Variants in SUGP1 observed in about 807,000 individuals in gnomAD.
SUGP1 encodes the protein SURP and G-patch domain-containing protein 1.
A neutral mutation model predicts 76.5 loss-of-function variants in SUGP1; 34 were observed. The ratio of observed to expected loss-of-function variants is 0.44; its 90% CI spans 0.34 to 0.59. The LOEUF (loss-of-function observed/expected upper bound fraction) is 0.59, where lower values mean the gene tolerates loss of function less well. Ranked by LOEUF, SUGP1 falls within the 20% of genes least tolerant of loss-of-function variation. The probability of loss-of-function intolerance (pLI) is 0.01; values close to 1 mark genes in which losing one functional copy is unlikely to be tolerated. For synonymous variants in SUGP1, 326 were observed against 326.2 expected (o/e 1.00, Z 0.01); for missense variants, 752 against 851.7 (o/e 0.88, Z 1.46).
At chr19:19,296,652 AAAAAAG>A (rs1364315224) in intron 8 of SUGP1, among the ~76,000 whole-genome samples, 1 of 150,462 alleles carries the variant, frequency 6.6e-6, no homozygotes, top group East Asian at 1.9e-4. Context: ...GTCTCAAAAA[AAAAAAG>A]AAAAAAGAAA....
chr19:19,291,809 C>T (rs886143406), intron 8 of SUGP1, among the ~76,000 whole-genome samples: 2 of 150,830 alleles, frequency 1.3e-5, no homozygotes, highest in Admixed American at 6.6e-5. Flanking sequence ...AGAAGAATGG[C>T]GTGAACCTGG....
intron 8 of SUGP1, among the ~76,000 whole-genome samples, chr19:19,287,649 C>G (rs1162191400): frequency 6.6e-6 from 1 of 152,114 alleles, no homozygotes; most frequent in Non-Finnish European, 1.5e-5. Context: ...GAAAGGAGTG[C>G]TTCCAAATGA....
chr19:19,277,568 C>T (rs1041609167), intron 12 of SUGP1, among the ~76,000 whole-genome samples, 166 bp downstream of exon 12: 15 of 152,200 alleles, frequency 9.9e-5, no homozygotes, highest in Non-Finnish European at 1.8e-4. Context: ...GCCCGTATGG[C>T]CTCCTGCACT....
intron 7 of SUGP1, among the ~76,000 whole-genome samples, chr19:19,301,236 G>C (rs57915152): frequency 6.6e-6 from 1 of 151,946 alleles, no homozygotes; most frequent in Non-Finnish European, 1.5e-5. Flanking sequence ...AACAATCCAC[G>C]GCCCCAACAC....
intron 8 of SUGP1, among the ~76,000 whole-genome samples, chr19:19,293,695 G>A (rs2061203257): frequency 6.6e-6 from 1 of 152,094 alleles, no homozygotes; most frequent in Non-Finnish European, 1.5e-5. Context: ...CTGGTAAAAG[G>A]CTGAAAGCTT....
chr19:19,305,442 G>A (rs929617730), intron 4 of SUGP1, among the ~76,000 whole-genome samples: 6 of 152,228 alleles, frequency 3.9e-5, no homozygotes, highest in African/African-American at 1.2e-4. Flanking sequence ...AAACTCAGGG[G>A]ACAGGTAACC....
chr19:19,281,919 T>A (rs897955600), intron 8 of SUGP1, among the ~76,000 whole-genome samples: 5 of 151,874 alleles, frequency 3.3e-5, no homozygotes, highest in Non-Finnish European at 7.4e-5. Flanking sequence ...AAGGGAGAGG[T>A]GAAAAGGTGA....
intron 8 of SUGP1, among the ~76,000 whole-genome samples, chr19:19,288,616 G>A (rs1310486028): frequency 2.6e-5 from 4 of 151,954 alleles, no homozygotes; most frequent in Non-Finnish European, 4.4e-5. Flanking sequence ...TTAGCCAGGC[G>A]TGCTGGTACA....
rs2061250438 is a variant in SUGP1 at position 19,298,983 on chromosome 19, A to C, written c.888-1639T>G. Among the ~76,000 whole-genome samples, 4 of 152,162 alleles carry C rather than the reference A, an allele frequency of 2.6e-5. No homozygotes were observed. In the South Asian group the frequency reaches 8.3e-4, roughly 32 times the overall value. ...TCAATGGTAGACCCCCATGAGGGGG[A>C]GAAAGTGGAGCCCCCCAACACCCCA... On this transcript the variant is annotated intron_variant, in intron 7 of 13. Transcript: ENST00000247001.
At chr19:19,288,471 T>G (rs1257092554) in intron 8 of SUGP1, among the ~76,000 whole-genome samples, 1 of 152,190 alleles carries the variant, frequency 6.6e-6, no homozygotes, top group African/African-American at 2.4e-5. Flanking sequence ...CGGTCAACAG[T>G]AGGCTATTAG....
intron 9 of SUGP1, 143 bp downstream of exon 9, chr19:19,280,042 G>T: frequency 1.3e-6 from 1 of 751,590 alleles, no homozygotes; most frequent in Non-Finnish European, 2.1e-6. Context: ...CTGCCTGGAA[G>T]CCTCCCCGCT....
At chr19:19,317,122 G>A (rs2061400062) in intron 1 of SUGP1, among the ~76,000 whole-genome samples, 1 of 147,690 alleles carries the variant, frequency 6.8e-6, no homozygotes, top group South Asian at 2.1e-4. Context: ...TGGCAACAGA[G>A]CAAGACTCTG....
intron 6 of SUGP1, 167 bp from the exon 7 acceptor site, chr19:19,302,555 A>G (rs1420664219): frequency 2.2e-5 from 22 of 1,006,552 alleles, no homozygotes; most frequent in African/African-American, 3.3e-5. Flanking sequence ...AGAATTCATA[A>G]CACACCTCAA....
At chr19:19,281,311 C>T (rs1262851603) in intron 8 of SUGP1, 1 of 152,272 alleles carries the variant, frequency 6.6e-6, no homozygotes, top group Non-Finnish European at 1.5e-5. Flanking sequence ...GCGACTTCTT[C>T]ACCTGCTGGG....
chr19:19,278,592 G>A (rs1303325122), intron 11 of SUGP1, 98 bp downstream of exon 11: 4 of 1,039,596 alleles, frequency 3.8e-6, no homozygotes, highest in Non-Finnish European at 5.8e-6. Context: ...CTGTGATCGA[G>A]AGGGTAGCCA....
rs752533161 is a variant in SUGP1 at position 19,280,217 on chromosome 19, C to A, written c.1318G>T (p.Ala440Ser). Reference protein sequence around the residue: ...GLVGVTELSDAQKKQLKEQQE... With the variant: ...GLVGVTELSDSQKKQLKEQQE... ...TGCTCCTTCAGCTGCTTCTTCTGGG[C>A]GTCTGAAAGCTCTGTGACGCCCACT... The change falls in exon 9 of 14, where the codon GCC (alanine) becomes TCC (serine). Residue 440 changes from alanine to serine, a missense_variant. By Grantham distance (99) the Ala-to-Ser change is moderately conservative (BLOSUM62 1). Transcript: ENST00000247001. The A allele has an allele frequency of 3.1e-6, 5 of 1,613,966 alleles. No homozygotes were observed. Among genetic ancestry groups the A allele is most frequent in the Non-Finnish European group, 4.2e-6 (5 of 1,179,958 alleles).
intron 8 of SUGP1, among the ~76,000 whole-genome samples, chr19:19,282,550 A>G (rs1296784455): frequency 6.6e-6 from 1 of 152,078 alleles, no homozygotes. Context: ...CGCCGTTACC[A>G]ATGTGTGAGC....
intron 11 of SUGP1, among the ~76,000 whole-genome samples, chr19:19,278,384 G>C (rs112502683): frequency 6.6e-6 from 1 of 152,194 alleles, no homozygotes; most frequent in Non-Finnish European, 1.5e-5. Context: ...TTCTGGAGAG[G>C]CCAGTCCGTG....
At chr19:19,284,881 T>G (rs940540160) in intron 8 of SUGP1, among the ~76,000 whole-genome samples, 2 of 151,920 alleles carry the variant, frequency 1.3e-5, no homozygotes, top group East Asian at 1.9e-4. Flanking sequence ...GTTTGTTTTT[T>G]TTTTTTTTTT....
Sources: gnomAD v4.1 joint callset for allele counts (sites outside exome capture counted in the v4.1 genomes callset) on GRCh38, gnomAD v4.1.1 for gene constraint, MANE v1.5 for transcripts, NCBI Gene and HGNC (gene_info 2026-07-23, HGNC 2026-07-21) for gene names.